Variants in FRMD4A observed in about 807,000 individuals in gnomAD.
The protein encoded by FRMD4A is FERM domain containing 4A.
FRMD4A carries 29 observed loss-of-function variants against 129.1 expected under a neutral mutation model. The observed-to-expected ratio is 0.22, with a 90% CI of 0.17 to 0.31. The LOEUF (loss-of-function observed/expected upper bound fraction) is 0.31, where lower values mean the gene tolerates loss of function less well. FRMD4A is among the 10% of genes least tolerant of loss of function. FRMD4A has a pLI of 1.00. For missense variants in FRMD4A, 1,272 were observed against 1,375.8 expected (o/e 0.92, Z 1.19); for synonymous variants, 634 against 571.6 (o/e 1.11, Z -1.56).
At chr10:13,789,100 T>A (rs2092933778) in intron 5 of FRMD4A, among the ~76,000 whole-genome samples, 1 of 150,672 alleles carries the variant, frequency 6.6e-6, no homozygotes, top group African/African-American at 2.4e-5. Flanking sequence ...GCCATGATAA[T>A]GAAAGCAATA....
chr10:13,718,403 C>G (rs74121862), intron 12 of FRMD4A, among the ~76,000 whole-genome samples: 2,996 of 152,380 alleles, frequency 0.02, 95 homozygotes, highest in African/African-American at 0.066. Context: ...CTGGACTTTC[C>G]ACTTGGAGGG....
intron 2 of FRMD4A, among the ~76,000 whole-genome samples, chr10:14,126,363 G>C (rs145276377): frequency 0.012 from 1,876 of 152,132 alleles, 38 homozygotes; most frequent in African/African-American, 0.043. Context: ...TAGAGACGGG[G>C]TTTCATCCTG....
intron 2 of FRMD4A, among the ~76,000 whole-genome samples, chr10:14,113,243 C>T (rs529811905): frequency 3.3e-5 from 5 of 152,184 alleles, no homozygotes; most frequent in African/African-American, 1.2e-4. Flanking sequence ...TCCACTTACA[C>T]GTGAATTTTC....
At chr10:14,193,760 G>C (rs1031292939) in intron 2 of FRMD4A, among the ~76,000 whole-genome samples, 70 of 151,794 alleles carry the variant, frequency 4.6e-4, no homozygotes, top group African/African-American at 1.6e-3. Flanking sequence ...CTGCTTTGAT[G>C]TTCTATGTCA....
intron 3 of FRMD4A, among the ~76,000 whole-genome samples, chr10:13,856,580 A>G (rs895058248): frequency 2.0e-5 from 3 of 152,024 alleles, no homozygotes; most frequent in African/African-American, 7.3e-5. Context: ...GTGTCTTCCA[A>G]TTTGTGATGT....
intron 2 of FRMD4A, among the ~76,000 whole-genome samples, chr10:13,894,566 C>T (rs1488041897): frequency 6.6e-6 from 1 of 152,176 alleles, no homozygotes; most frequent in African/African-American, 2.4e-5. Context: ...TTAAAGACTG[C>T]GGGTGGCTTC....
chr10:14,235,185 T>C (rs1458382936), intron 2 of FRMD4A, among the ~76,000 whole-genome samples: 1 of 150,952 alleles, frequency 6.6e-6, no homozygotes, highest in Non-Finnish European at 1.5e-5. Flanking sequence ...AGTCTTGCTC[T>C]GTCGCCCAGG....
chr10:14,178,092 T>C (rs975906087), intron 2 of FRMD4A, among the ~76,000 whole-genome samples: 10 of 152,224 alleles, frequency 6.6e-5, no homozygotes, highest in Non-Finnish European at 1.0e-4. Flanking sequence ...CTTACTGCTA[T>C]ACTGCAGAAG....
chr10:13,770,925 T>C (rs762656145), intron 6 of FRMD4A, among the ~76,000 whole-genome samples: 1 of 152,222 alleles, frequency 6.6e-6, no homozygotes, highest in Non-Finnish European at 1.5e-5. Flanking sequence ...ATTCTGGGCT[T>C]TGGCTTGGTT....
intron 2 of FRMD4A, among the ~76,000 whole-genome samples, chr10:14,299,538 T>C (rs1163423043): frequency 1.3e-5 from 2 of 152,182 alleles, no homozygotes; most frequent in African/African-American, 2.4e-5. Context: ...GAGTAATTTG[T>C]CTGTTGTCAA....
chr10:13,856,217 AGTGTGTGTGTGTGTGTGT>A (rs36225405), intron 3 of FRMD4A, among the ~76,000 whole-genome samples: 646 of 145,980 alleles, frequency 4.4e-3, no homozygotes, highest in African/African-American at 5.9e-3. Flanking sequence ...ATTTTGTGCA[AGTGTGTGTGTGTGTGTGT>A]GTGTGTGTGT....
intron 2 of FRMD4A, among the ~76,000 whole-genome samples, chr10:14,170,984 A>C (rs1841444987): frequency 6.6e-6 from 1 of 151,100 alleles, no homozygotes; most frequent in South Asian, 2.1e-4. Flanking sequence ...TGCAGCCACC[A>C]TGAATCACAA....
chr10:14,127,492 T>A (rs527506910), intron 2 of FRMD4A, among the ~76,000 whole-genome samples: 1 of 152,200 alleles, frequency 6.6e-6, no homozygotes, highest in South Asian at 2.1e-4. Context: ...AAGAGGCCCT[T>A]TAAGGGAGCA....
intron 2 of FRMD4A, among the ~76,000 whole-genome samples, chr10:13,932,563 AATC>A (rs2095210782): frequency 6.6e-6 from 1 of 152,192 alleles, no homozygotes; most frequent in Admixed American, 6.5e-5. Flanking sequence ...TGCCTTCCTT[AATC>A]ACCAGCCAAT....
At chr10:14,106,612 C>T (rs749879399) in intron 2 of FRMD4A, among the ~76,000 whole-genome samples, 5 of 152,214 alleles carry the variant, frequency 3.3e-5, no homozygotes, top group Non-Finnish European at 5.9e-5. Context: ...ATCTGGATCT[C>T]AATGTCACCA....
chr10:14,328,575 G>A (rs925297255), intron 2 of FRMD4A, among the ~76,000 whole-genome samples: 11 of 150,522 alleles, frequency 7.3e-5, no homozygotes, highest in East Asian at 2.0e-4. Context: ...ATATTAACAC[G>A]ATGCAGGATT....
At chr10:14,018,564 A>G (rs931010978) in intron 2 of FRMD4A, among the ~76,000 whole-genome samples, 1 of 151,956 alleles carries the variant, frequency 6.6e-6, no homozygotes, top group African/African-American at 2.4e-5. Context: ...GAGCCATTTT[A>G]AGTTACTTTT....
At chr10:14,284,055 T>C (rs1695235680) in intron 2 of FRMD4A, among the ~76,000 whole-genome samples, 1 of 152,236 alleles carries the variant, frequency 6.6e-6, no homozygotes, top group African/African-American at 2.4e-5. Flanking sequence ...CCAACTATCC[T>C]ATTTTACTTC....
chr10:13,812,246 T>C (rs919273080), intron 3 of FRMD4A, among the ~76,000 whole-genome samples: 2 of 152,240 alleles, frequency 1.3e-5, no homozygotes, highest in South Asian at 2.1e-4. Flanking sequence ...CCAAAATGCA[T>C]GCGTTAAAGC....
Sources: allele counts gnomAD v4.1 joint callset (sites outside exome capture counted in the v4.1 genomes callset), GRCh38; gene constraint gnomAD v4.1.1; transcripts MANE v1.5; gene names NCBI Gene and HGNC (gene_info 2026-07-23, HGNC 2026-07-21).